PRKG1: variants seen among roughly 807,000 people sequenced by gnomAD.
PRKG1 encodes protein kinase cGMP-dependent 1, also known as cGMP-dependent protein kinase 1.
PRKG1 carries 35 observed loss-of-function variants against 88.1 expected under a neutral mutation model. The observed-to-expected ratio is 0.40, with a 90% confidence interval of 0.30 to 0.53. PRKG1 has a LOEUF of 0.53. Ranked by LOEUF, PRKG1 falls within the 20% of genes least tolerant of loss-of-function variation. The probability of loss-of-function intolerance (pLI) is 0.59; values close to 1 mark genes in which losing one functional copy is unlikely to be tolerated. For synonymous variants in PRKG1, 303 were observed against 292.5 expected, an observed-to-expected ratio of 1.04 and a Z score of -0.37; for missense variants, 540 against 839.8, an observed-to-expected ratio of 0.64 and a Z score of 4.41.
In PRKG1 at chr10:50,991,465, G is replaced by A. The variant is rs763403241; in HGVS notation, c.87G>A (p.Lys29=). The A allele has an allele frequency of 3.7e-6, 6 of 1,608,282 alleles. No individual in the cohort carries two copies. The highest frequency in any genetic ancestry group is 5.1e-6 in the Non-Finnish European group (6 of 1,177,772). Residue 29 remains lysine (K), a synonymous_variant, in exon 1 of 18, where the codon AAG becomes AAA. Transcript: ENST00000401604. This position sits in a 1 kb window ranked among gnomAD's most constrained non-coding sequence, Gnocchi z 4.5. Reference sequence around the variant, plus strand: ...AGCTGGAGAAGCGGCTGTCAGAGAAGGAGGAAGAAATTCAGGAGCTGAAGA... The same window carrying A: ...AGCTGGAGAAGCGGCTGTCAGAGAAAGAGGAAGAAATTCAGGAGCTGAAGA...
chr10:51,158,479 A>T (rs1454470516), intron 2 of PRKG1, among the ~76,000 whole-genome samples: 2 of 152,026 alleles, frequency 1.3e-5, no homozygotes, highest in African/African-American at 4.8e-5. Flanking sequence ...GAGATTAAAA[A>T]ATGATCTGAC....
intron 5 of PRKG1, among the ~76,000 whole-genome samples, chr10:51,975,023 T>A (rs1450950624): frequency 6.6e-6 from 1 of 152,062 alleles, no homozygotes; most frequent in East Asian, 1.9e-4. Flanking sequence ...TTTTTACTGG[T>A]ATATCTGGTA....
chr10:51,699,737 C>G, intron 3 of PRKG1: 1 of 620,988 alleles, frequency 1.6e-6, no homozygotes, highest in Middle Eastern at 4.4e-4. Flanking sequence ...CTTTCAGTCC[C>G]TGATCCTTCA....
chr10:51,301,448 A>G (rs1324134463), intron 2 of PRKG1, among the ~76,000 whole-genome samples: 2 of 152,144 alleles, frequency 1.3e-5, no homozygotes, highest in Non-Finnish European at 2.9e-5. Context: ...TAGGGGAAAA[A>G]ATATACAAAA....
chr10:52,119,570 C>G (rs1173951352), intron 7 of PRKG1, among the ~76,000 whole-genome samples: 3 of 152,130 alleles, frequency 2.0e-5, no homozygotes, highest in Non-Finnish European at 4.4e-5. Flanking sequence ...TTCTCTTACT[C>G]TACTTTCAAA....
chr10:52,171,222 A>G (rs1838665427), intron 9 of PRKG1, among the ~76,000 whole-genome samples: 1 of 151,324 alleles, frequency 6.6e-6, no homozygotes, highest in African/African-American at 2.4e-5. Context: ...ACTTAAGACA[A>G]CTTGGTCTTG....
chr10:51,446,656 G>A lies in PRKG1; in HGVS notation c.479-21067G>A, dbSNP rs971664111. On this transcript the variant is annotated intron_variant, in intron 2 of 17. Coordinates refer to ENST00000373980, the MANE Select transcript of PRKG1 (RefSeq NM_006258.4). ...GAATTTTAAATCAAAGGAAAACAAC[G>A]GTCCTTGCTAATTAGATGTGATCTT... Among the ~76,000 whole-genome samples, 5 of 152,078 alleles carry A rather than the reference G, an allele frequency of 3.3e-5. No individual in the cohort carries two copies. In the East Asian group the frequency reaches 9.7e-4, roughly 29 times the overall value.
At position 51,829,479 on chromosome 10, in the gene PRKG1, A is replaced by G. The variant is rs1012957892; in HGVS notation, c.698+24789A>G. Among the ~76,000 whole-genome samples, 6 of 152,272 alleles carry G rather than the reference A, an allele frequency of 3.9e-5. No individual in the cohort carries two copies. The South Asian group carries it at 8.3e-4, about 21-fold the overall frequency. On this transcript the variant is annotated intron_variant, in intron 4 of 17. Transcript: ENST00000373980. ...TAGTTGCAGAAGATAAAATCTATGAAATATATTTTAACAGCAATAAGGAAA... is the reference window on the plus strand; with the variant it reads ...TAGTTGCAGAAGATAAAATCTATGAGATATATTTTAACAGCAATAAGGAAA...
intron 3 of PRKG1, among the ~76,000 whole-genome samples, chr10:51,505,693 G>T (rs1252274813): frequency 6.6e-6 from 1 of 152,100 alleles, no homozygotes; most frequent in Non-Finnish European, 1.5e-5. Context: ...TCCTGGTTTA[G>T]TCTTGGGAGG....
intron 5 of PRKG1, among the ~76,000 whole-genome samples, chr10:51,963,668 G>A (rs1843500670): frequency 6.6e-6 from 1 of 151,780 alleles, no homozygotes; most frequent in Non-Finnish European, 1.5e-5. Context: ...GGCTGGTCTC[G>A]AACTCCTAGC....
chr10:51,090,812 C>G (rs760502269), intron 1 of PRKG1, among the ~76,000 whole-genome samples: 17 of 152,206 alleles, frequency 1.1e-4, no homozygotes, highest in Non-Finnish European at 2.2e-4. Context: ...TGATTTAAAT[C>G]CATCAAAAGT....
chr10:51,731,020 G>A (rs1379421608), intron 3 of PRKG1, among the ~76,000 whole-genome samples: 2 of 152,124 alleles, frequency 1.3e-5, no homozygotes, highest in Non-Finnish European at 2.9e-5. Flanking sequence ...GCCGAGTGTG[G>A]TGGTGGGTGC....
intron 2 of PRKG1, among the ~76,000 whole-genome samples, chr10:51,445,553 C>A (rs776124350): frequency 1.4e-5 from 2 of 146,310 alleles, no homozygotes; most frequent in Non-Finnish European, 2.9e-5. Context: ...CAACAACGAA[C>A]AGTGAAGCAG....
intron 3 of PRKG1, among the ~76,000 whole-genome samples, chr10:51,642,869 A>C (rs984184085): frequency 6.6e-5 from 10 of 152,206 alleles, no homozygotes; most frequent in African/African-American, 2.2e-4. Context: ...CTGACCCTGA[A>C]AGAATTAGTT....
chr10:52,023,245 T>G (rs1845235469), intron 5 of PRKG1, among the ~76,000 whole-genome samples: 1 of 152,230 alleles, frequency 6.6e-6, no homozygotes. Context: ...GGACATGAAC[T>G]CATCCTTTTT....
intron 2 of PRKG1, chr10:51,320,512 G>C (rs211070): frequency 0.069 from 10,636 of 153,298 alleles, 540 homozygotes; most frequent in African/African-American, 0.14. Context: ...GTTCCAGCTT[G>C]ATGTGTCCTG....
At chr10:51,164,341 T>A (rs914965938) in intron 2 of PRKG1, among the ~76,000 whole-genome samples, 2 of 152,208 alleles carry the variant, frequency 1.3e-5, no homozygotes, top group African/African-American at 4.8e-5. Context: ...GAGGGTCCTG[T>A]CTGTTAGAAG....
At position 52,050,730 on chromosome 10, in the gene PRKG1, A is replaced by G. The variant is rs564965092; in HGVS notation, c.763-3754A>G. Among the ~76,000 whole-genome samples, 47 of 152,326 alleles carry G rather than the reference A, an allele frequency of 3.1e-4. 1 individual carries two copies. Among genetic ancestry groups the G allele is most frequent in the Admixed American group, 2.7e-3 (41 of 15,298 alleles). ...TGCCTGTGTAGGTAAACAGATATTTATATGACAAGTTGAGTTATGAAACAC... is the reference window on the plus strand; with the variant it reads ...TGCCTGTGTAGGTAAACAGATATTTGTATGACAAGTTGAGTTATGAAACAC... On this transcript the variant is annotated intron_variant, in intron 5 of 17. Transcript: ENST00000373980.
At chr10:52,035,949 A>T (rs1037202580) in intron 5 of PRKG1, among the ~76,000 whole-genome samples, 8 of 152,168 alleles carry the variant, frequency 5.3e-5, no homozygotes, top group African/African-American at 1.9e-4. Flanking sequence ...AATTCTGACC[A>T]CGCTAACCAT....
Sources: allele counts gnomAD v4.1 joint callset (sites outside exome capture counted in the v4.1 genomes callset), GRCh38; gene constraint gnomAD v4.1.1; non-coding constraint Gnocchi (gnomAD v3.1); transcripts MANE v1.5; gene names NCBI Gene and HGNC (gene_info 2026-07-23, HGNC 2026-07-21).